RBBP8: variants seen among roughly 807,000 people sequenced by gnomAD.
The protein encoded by RBBP8 is RB binding protein 8, endonuclease, also known as DNA endonuclease RBBP8.
RBBP8 carries 88 observed loss-of-function variants against 108.3 expected under a neutral mutation model. The ratio of observed to expected loss-of-function variants is 0.81; its 90% CI spans 0.68 to 0.97. RBBP8 has a LOEUF of 0.97. RBBP8 is among the 50% of genes least tolerant of loss of function. The pLI is 0.00. For synonymous variants in RBBP8, 332 were observed against 348.2 expected (o/e 0.95, Z 0.52); for missense variants, 1,023 against 1,049.0 (o/e 0.98, Z 0.34).
intron 17 of RBBP8, 126 bp from the exon 18 acceptor site, chr18:23,022,003 A>G (rs1263909124): frequency 5.2e-6 from 4 of 767,652 alleles, no homozygotes; most frequent in Non-Finnish European, 9.0e-6. Context: ...ATCAATGAGG[A>G]TTAAGTTTCC....
intron 4 of RBBP8, among the ~76,000 whole-genome samples, chr18:22,963,608 G>A (rs946804098): frequency 2.0e-5 from 3 of 152,096 alleles, no homozygotes; most frequent in Admixed American, 6.5e-5. Context: ...TACCTGCTAC[G>A]TAGTGGTCAT....
At chr18:22,994,718 T>TTAG (rs2045824080) in intron 12 of RBBP8, among the ~76,000 whole-genome samples, 1 of 147,574 alleles carries the variant, frequency 6.8e-6, no homozygotes, top group South Asian at 2.2e-4. Context: ...TTGCTATATT[T>TTAG]TATTATTATT....
At chr18:22,951,269 A>G (rs1259218103) in intron 4 of RBBP8, among the ~76,000 whole-genome samples, 2 of 152,206 alleles carry the variant, frequency 1.3e-5, no homozygotes, top group African/African-American at 2.4e-5. Context: ...TGCAAGTAAC[A>G]ATACATAACA....
chr18:22,993,601 G>A lies in RBBP8; in HGVS notation c.1774G>A (p.Glu592Lys), dbSNP rs1915861664. ...AVFKIPLRPRESLETENVLDD... is the reference protein window; with the variant it reads ...AVFKIPLRPRKSLETENVLDD... ...CTTTAAAATTCCTCTACGTCCACGT[G>A]AAAGTTTGGAGACTGAGAATGTTTT... The change falls in exon 11 of 19, where the codon GAA (glutamate) becomes AAA (lysine). Residue 592 changes from glutamate (E) to lysine (K), a missense_variant. By Grantham distance (56) the Glu-to-Lys change is moderately conservative. Coordinates refer to ENST00000327155, the MANE Select transcript of RBBP8 (RefSeq NM_002894.3). 3.1e-6 allele frequency: 5 copies of A among 1,614,090 alleles called. No homozygotes were observed. Among genetic ancestry groups the A allele is most frequent in the Non-Finnish European group, 3.4e-6 (4 of 1,180,036 alleles).
At chr18:22,945,676 G>A (rs916326146) in intron 2 of RBBP8, among the ~76,000 whole-genome samples, 1 of 152,100 alleles carries the variant, frequency 6.6e-6, no homozygotes, top group Admixed American at 6.5e-5. Context: ...GAATCACCGT[G>A]CCCAGCCGAT....
Position 22,967,473 on chromosome 18 carries a change from A to G in RBBP8, c.249-1333A>G, listed in dbSNP as rs183249193. ...TTTTTCTGATTAGGTAAATAATGAA[A>G]TTGGAAAATGTTTCAAAAATATGGA... On this transcript the variant is annotated intron_variant, in intron 4 of 18. Transcript: ENST00000327155. Among the ~76,000 whole-genome samples the G allele has an allele frequency of 1.8e-4, 27 of 152,222 alleles. No individual in the cohort carries two copies. The East Asian group carries it at 3.9e-3, about 22-fold the overall frequency.
upstream of RBBP8, among the ~76,000 whole-genome samples, chr18:22,931,341 G>C (rs1190213707): frequency 6.6e-6 from 1 of 152,148 alleles, no homozygotes; most frequent in Non-Finnish European, 1.5e-5. Context: ...TAAAGCCAAA[G>C]GGGTAGCAGA....
intron 12 of RBBP8, among the ~76,000 whole-genome samples, chr18:22,995,119 T>C (rs2045832041): frequency 6.6e-6 from 1 of 152,204 alleles, no homozygotes; most frequent in Non-Finnish European, 1.5e-5. Context: ...CATTGGCAAG[T>C]TATTCCTTTA....
intron 3 of RBBP8, among the ~76,000 whole-genome samples, chr18:22,917,444 T>C (rs1909403693): frequency 6.6e-6 from 1 of 152,352 alleles, no homozygotes; most frequent in South Asian, 2.1e-4. Context: ...TTAATACCAT[T>C]CTTTCAGAGT....
chr18:22,938,567 C>G (rs184194325), intron 2 of RBBP8, among the ~76,000 whole-genome samples: 34 of 152,260 alleles, frequency 2.2e-4, no homozygotes, highest in African/African-American at 7.9e-4. Context: ...AACCACAGAA[C>G]ATAGTTTGTA....
intron 15 of RBBP8, among the ~76,000 whole-genome samples, chr18:23,003,902 A>G (rs2045989895): frequency 6.6e-6 from 1 of 151,748 alleles, no homozygotes; most frequent in Admixed American, 6.6e-5. Flanking sequence ...TGAAAATACA[A>G]AAAAATTAAC....
At chr18:22,974,674 G>A (rs1396801288) in intron 5 of RBBP8, among the ~76,000 whole-genome samples, 1 of 152,104 alleles carries the variant, frequency 6.6e-6, no homozygotes, top group Admixed American at 6.5e-5. Flanking sequence ...TGGCCAGGCT[G>A]GTCTCGAACT....
At chr18:23,015,468 C>T (rs2046239831) in intron 16 of RBBP8, among the ~76,000 whole-genome samples, 1 of 152,028 alleles carries the variant, frequency 6.6e-6, no homozygotes, top group Non-Finnish European at 1.5e-5. Flanking sequence ...TCAGTATAAT[C>T]CCACTTGTAT....
At chr18:23,015,620 T>G (rs2046242393) in intron 16 of RBBP8, among the ~76,000 whole-genome samples, 1 of 152,150 alleles carries the variant, frequency 6.6e-6, no homozygotes, top group African/African-American at 2.4e-5. Flanking sequence ...TGACTCATTT[T>G]GAGTTGATTT....
intron 4 of RBBP8, among the ~76,000 whole-genome samples, chr18:22,964,225 T>C (rs1038650756): frequency 1.3e-5 from 2 of 152,162 alleles, no homozygotes; most frequent in African/African-American, 4.8e-5. Context: ...ATCTCTATTC[T>C]GATTTTTTAT....
At chr18:22,979,014 T>A (rs1460453096) in intron 6 of RBBP8, among the ~76,000 whole-genome samples, 1 of 152,226 alleles carries the variant, frequency 6.6e-6, no homozygotes, top group Non-Finnish European at 1.5e-5. Context: ...ATGCCTGTAG[T>A]CTCAGCACTT....
intron 15 of RBBP8, among the ~76,000 whole-genome samples, chr18:23,002,380 G>C: frequency 6.6e-6 from 1 of 152,062 alleles, no homozygotes; most frequent in East Asian, 1.9e-4. Context: ...ACTTCAGCCT[G>C]GGCGACAGAG....
intron 4 of RBBP8, among the ~76,000 whole-genome samples, chr18:22,960,097 G>C (rs1397313607): frequency 6.6e-6 from 1 of 151,966 alleles, no homozygotes. Flanking sequence ...GTTTTACCGT[G>C]TTAGCCAGGA....
rs1915859188 is a variant in RBBP8 at position 22,993,588 on chromosome 18, T to C, written c.1761T>C (p.Pro587=). The C allele has an allele frequency of 6.2e-7, 1 of 1,614,062 alleles. No individual in the cohort carries two copies. ...AAGAAAATGCTGTCTTTAAAATTCC[T>C]CTACGTCCACGTGAAAGTTTGGAGA... is the stretch of plus-strand genomic sequence containing the variant. ...IKEENAVFKI[P]LRPRESLETE... The change falls in exon 11 of 19, where the codon CCT becomes CCC. Residue 587 remains proline, a synonymous_variant. Transcript: ENST00000327155.
Sources: gnomAD v4.1 joint callset for allele counts (sites outside exome capture counted in the v4.1 genomes callset) on GRCh38, gnomAD v4.1.1 for gene constraint, MANE v1.5 for transcripts, NCBI Gene and HGNC (gene_info 2026-07-23, HGNC 2026-07-21) for gene names.